Variants in COL5A2 observed in about 807,000 individuals in gnomAD.
COL5A2 encodes the protein collagen alpha-2(V) chain.
In COL5A2, 23 loss-of-function variants were observed where a neutral mutation model predicts 208.2. That is an observed-to-expected ratio of 0.11 (90% CI 0.08 to 0.16). The LOEUF (loss-of-function observed/expected upper bound fraction) is 0.16. COL5A2 is among the 10% of genes least tolerant of loss of function. The pLI is 1.00. For synonymous variants in COL5A2, 625 were observed against 628.5 expected (o/e 0.99, Z 0.08); for missense variants, 1,590 against 1,956.4 (o/e 0.81, Z 3.53).
chr2:189,285,506 T>A, the COL5A2 span, among the ~76,000 whole-genome samples: 1 of 152,070 alleles, frequency 6.6e-6, no homozygotes, highest in African/African-American at 2.4e-5. Flanking sequence ...TCTCATAAGA[T>A]GAGCAAGGCA....
chr2:189,302,772 T>C, the COL5A2 span, among the ~76,000 whole-genome samples: 2 of 152,076 alleles, frequency 1.3e-5, no homozygotes, highest in Admixed American at 6.6e-5. Context: ...ATACCTACAC[T>C]GTCTACACTC....
chr2:189,365,788 T>C, the COL5A2 span, among the ~76,000 whole-genome samples: 8 of 152,234 alleles, frequency 5.3e-5, no homozygotes, highest in Non-Finnish European at 7.3e-5. Flanking sequence ...ATATATGGAT[T>C]GATGGTTTGC....
chr2:189,325,456 A>G, the COL5A2 span, among the ~76,000 whole-genome samples: 1 of 151,826 alleles, frequency 6.6e-6, no homozygotes, highest in Non-Finnish European at 1.5e-5. Context: ...GCATAGCCAT[A>G]AACTATTCTA....
intron 12 of COL5A2, 116 bp downstream of exon 12, chr2:189,083,868 C>T: frequency 1.2e-6 from 1 of 801,344 alleles, no homozygotes; most frequent in Non-Finnish European, 2.1e-6. Flanking sequence ...CGGAAACAAA[C>T]AATGCTGTTT....
chr2:189,264,771 A>G, the COL5A2 span, among the ~76,000 whole-genome samples: 1 of 152,194 alleles, frequency 6.6e-6, no homozygotes, highest in African/African-American at 2.4e-5. Context: ...AAAAGCAATC[A>G]AAAAGAAAAG....
At chr2:189,078,682 A>C in intron 15 of COL5A2, 113 bp from the exon 16 acceptor site, 1 of 893,344 alleles carries the variant, frequency 1.1e-6, no homozygotes, top group Non-Finnish European at 1.9e-6. Context: ...ACCAAGCAGT[A>C]GTATTTCCAG....
the COL5A2 span, among the ~76,000 whole-genome samples, chr2:189,300,584 C>T: frequency 2.0e-5 from 3 of 152,208 alleles, no homozygotes; most frequent in Non-Finnish European, 4.4e-5. Context: ...TGACAATCTT[C>T]CTGAGGGAGG....
upstream of COL5A2, among the ~76,000 whole-genome samples, chr2:189,180,964 C>T (rs1322809585): frequency 6.6e-6 from 1 of 152,114 alleles, no homozygotes; most frequent in African/African-American, 2.4e-5. Flanking sequence ...CAACAGGTGC[C>T]TTGCACTGTG....
Position 189,039,519 on chromosome 2 carries a change from AG to A in COL5A2, c.3677del (p.Pro1226LeufsTer47). The A allele has an allele frequency of 6.2e-7, 1 of 1,614,056 alleles. No homozygotes were observed. The highest frequency in any genetic ancestry group is 8.5e-7 in the Non-Finnish European group (1 of 1,180,010). On this transcript the variant is annotated frameshift_variant, in exon 51 of 54. Transcript: ENST00000374866. LOFTEE classifies it high-confidence loss of function. ...EPGPPGPPGP[P>X]GHLTAALGDI... ...CCCCAAGAGCAGCTGTAAGGTGGCC[AG>A]GGGGACCCGGAGGGCCAGGTGGGCC...
chr2:189,058,909 T>G lies in COL5A2; in HGVS notation c.2086-16A>C. On this transcript the variant is annotated splice_polypyrimidine_tract_variant and intron_variant, in intron 31 of 53. Transcript: ENST00000374866. ...CAGGAACACCCTATAAACACATTTT[T>G]TTTTTTTAATGGAACAAGAGCTTTG... The G allele has an allele frequency of 6.2e-7, 1 of 1,612,558 alleles. No homozygotes were observed. The highest frequency in any genetic ancestry group is 8.5e-7 in the Non-Finnish European group (1 of 1,178,824).
upstream of COL5A2, among the ~76,000 whole-genome samples, chr2:189,227,652 A>C (rs1407240227): frequency 6.6e-6 from 1 of 152,122 alleles, no homozygotes; most frequent in Non-Finnish European, 1.5e-5. Flanking sequence ...GGTTCAATTT[A>C]CCAGGAAGAT....
At chr2:189,242,814 C>G in the COL5A2 span, among the ~76,000 whole-genome samples, 1 of 152,212 alleles carries the variant, frequency 6.6e-6, no homozygotes, top group East Asian at 1.9e-4. Context: ...TGAAAAGGAA[C>G]CTGTCAGATG....
At chr2:189,395,675 G>A in the COL5A2 span, among the ~76,000 whole-genome samples, 4 of 151,820 alleles carry the variant, frequency 2.6e-5, no homozygotes, top group Non-Finnish European at 5.9e-5. Flanking sequence ...AAGCTGAGGC[G>A]GGTGGGTCAC....
At chr2:189,279,717 A>C in the COL5A2 span, among the ~76,000 whole-genome samples, 2 of 152,154 alleles carry the variant, frequency 1.3e-5, no homozygotes, top group Non-Finnish European at 2.9e-5. Flanking sequence ...TGTCATTGCA[A>C]GTGTAACAGG....
the COL5A2 span, among the ~76,000 whole-genome samples, chr2:189,358,659 T>C: frequency 6.6e-6 from 1 of 152,228 alleles, no homozygotes; most frequent in Non-Finnish European, 1.5e-5. Context: ...TAGATTGCTT[T>C]GGATAGTGTG....
At chr2:189,419,151 T>A in the COL5A2 span, among the ~76,000 whole-genome samples, 1 of 152,194 alleles carries the variant, frequency 6.6e-6, no homozygotes, top group African/African-American at 2.4e-5. Flanking sequence ...CACTTGCTCA[T>A]GAGATGACCT....
intron 1 of COL5A2, among the ~76,000 whole-genome samples, chr2:189,135,140 G>A (rs1379888934): frequency 6.6e-6 from 1 of 152,068 alleles, no homozygotes; most frequent in African/African-American, 2.4e-5. Flanking sequence ...CATCATGGCT[G>A]TAGTCAAATA....
chr2:189,197,874 G>A (rs1440472126), intron 1 of COL5A2, among the ~76,000 whole-genome samples: 1 of 149,648 alleles, frequency 6.7e-6, no homozygotes, highest in African/African-American at 2.5e-5. Flanking sequence ...TTTTGAGATG[G>A]AGTCTCGCTC....
chr2:189,271,482 C>T, the COL5A2 span, among the ~76,000 whole-genome samples: 12 of 152,138 alleles, frequency 7.9e-5, no homozygotes, highest in Non-Finnish European at 1.5e-4. Context: ...TGGACCCCTT[C>T]CTTACACCAT....
Sources: allele counts gnomAD v4.1 joint callset (sites outside exome capture counted in the v4.1 genomes callset), GRCh38; gene constraint gnomAD v4.1.1; transcripts MANE v1.5; gene names NCBI Gene and HGNC (gene_info 2026-07-23, HGNC 2026-07-21).